Variants in HEATR5B observed in about 807,000 individuals in gnomAD.
HEATR5B encodes HEAT repeat-containing protein 5B.
A neutral mutation model predicts 224.1 loss-of-function variants in HEATR5B; 156 were observed. That is an observed-to-expected ratio of 0.70 (90% confidence interval 0.61 to 0.80). The LOEUF is 0.80. Ranked by LOEUF, HEATR5B falls within the 30% of genes least tolerant of loss-of-function variation. The probability of loss-of-function intolerance (pLI) is 0.00; values close to 1 mark genes in which losing one functional copy is unlikely to be tolerated. For synonymous variants in HEATR5B, 1,027 were observed against 893.0 expected (o/e 1.15, Z -2.68); for missense variants, 2,323 against 2,535.5 (o/e 0.92, Z 1.80).
At chr2:37,028,478 A>G (rs913526656) in intron 23 of HEATR5B, among the ~76,000 whole-genome samples, 1 of 152,156 alleles carries the variant, frequency 6.6e-6, no homozygotes, top group East Asian at 1.9e-4. Flanking sequence ...TTTGAAATAT[A>G]TTTTCCCAAC....
In HEATR5B at chr2:37,054,718, G is replaced by A. The variant is rs956941704; in HGVS notation, c.2400-1111C>T. ...GGCTGGTCTCAAACTCCTGACCTCA[G>A]GTGATCTGCCCACCTTTGCCTCCCG... On this transcript the variant is annotated intron_variant, in intron 16 of 35. Transcript: ENST00000233099. Among the ~76,000 whole-genome samples, 7 of 152,000 alleles carry A rather than the reference G, an allele frequency of 4.6e-5. No homozygotes were observed. In the East Asian group the frequency reaches 1.4e-3, roughly 29 times the overall value.
At chr2:37,066,204 G>C (rs759322740) in intron 8 of HEATR5B, among the ~76,000 whole-genome samples, 1 of 152,180 alleles carries the variant, frequency 6.6e-6, no homozygotes, top group Admixed American at 6.5e-5. Context: ...AGATACTGCA[G>C]AAAGAAGACT....
At chr2:37,014,387 C>T (rs1363250528) in intron 26 of HEATR5B, among the ~76,000 whole-genome samples, 1 of 151,866 alleles carries the variant, frequency 6.6e-6, no homozygotes, top group Non-Finnish European at 1.5e-5. Flanking sequence ...TGGTCTCGAT[C>T]TCCTGACCTC....
At chr2:36,986,321 G>A (rs1352927396) in intron 35 of HEATR5B, among the ~76,000 whole-genome samples, 1 of 152,130 alleles carries the variant, frequency 6.6e-6, no homozygotes, top group East Asian at 1.9e-4. Context: ...CAATTTTGAT[G>A]TTGTTTTCAT....
intron 8 of HEATR5B, among the ~76,000 whole-genome samples, chr2:37,067,103 G>A (rs183420335): frequency 8.5e-5 from 13 of 152,186 alleles, no homozygotes; most frequent in Non-Finnish European, 1.6e-4. Context: ...AGAACTCCTG[G>A]CCTCAAGTGA....
chr2:36,992,321 C>T (rs1239442793), intron 33 of HEATR5B, among the ~76,000 whole-genome samples: 1 of 152,184 alleles, frequency 6.6e-6, no homozygotes, highest in Non-Finnish European at 1.5e-5. Flanking sequence ...CAGCTCACTC[C>T]TGTAATCCCA....
chr2:37,020,620 C>G (rs1219578559), intron 25 of HEATR5B, 35 bp downstream of exon 25: 14 of 1,445,402 alleles, frequency 9.7e-6, no homozygotes, highest in Non-Finnish European at 1.2e-5. Flanking sequence ...TTCAAAAGAT[C>G]AATTTTAAGT....
chr2:37,068,731 G>A lies in HEATR5B; in HGVS notation c.1127C>T (p.Ala376Val). The A allele has an allele frequency of 6.2e-7, 1 of 1,614,108 alleles. No individual in the cohort carries two copies. The highest frequency in any genetic ancestry group is 8.5e-7 in the Non-Finnish European group (1 of 1,179,998). ...GSLLGEKAQI[A>V]AAKEICQAIG... ...AGCTTGGCAGATTTCTTTGGCAGCT[G>A]CAATCTGGGCTTTTTCACCTAGCAA... is the stretch of plus-strand genomic sequence containing the variant. Residue 376 changes from alanine (A) to valine (V), a missense_variant, in exon 8 of 36, where the codon GCA (alanine) becomes GTA (valine). Physicochemically the swap from Ala to Val is moderately conservative, Grantham distance 64. Around this residue, in one of 12 missense-constraint regions of HEATR5B, gnomAD observed 502 missense variants for 517.8 expected, o/e 0.97. Transcript: ENST00000233099.
At chr2:36,999,156 C>T (rs62133078) in intron 33 of HEATR5B, among the ~76,000 whole-genome samples, 81,662 of 151,618 alleles carry the variant, frequency 0.54, 22,207 homozygotes, top group East Asian at 0.67. Flanking sequence ...GAGGCGGAGG[C>T]TGTGGTGAGC....
intron 24 of HEATR5B, among the ~76,000 whole-genome samples, chr2:37,024,593 A>T (rs1026006897): frequency 6.6e-6 from 1 of 152,230 alleles, no homozygotes; most frequent in African/African-American, 2.4e-5. Flanking sequence ...ACAACAAAAA[A>T]TTGAGAAACA....
chr2:37,006,502 G>C (rs28482188), intron 29 of HEATR5B, among the ~76,000 whole-genome samples: 1 of 152,064 alleles, frequency 6.6e-6, no homozygotes, highest in African/African-American at 2.4e-5. Context: ...TTACCCGGGC[G>C]TGGTGGCGCA....
At chr2:37,045,440 G>C (rs1202621779) in intron 18 of HEATR5B, among the ~76,000 whole-genome samples, 1 of 152,136 alleles carries the variant, frequency 6.6e-6, no homozygotes, top group African/African-American at 2.4e-5. Flanking sequence ...GGGTGGGTCA[G>C]GGATGTTGCT....
At chr2:37,063,738 AGAT>A (rs1379044365) in intron 10 of HEATR5B, among the ~76,000 whole-genome samples, 1 of 152,224 alleles carries the variant, frequency 6.6e-6, no homozygotes, top group East Asian at 1.9e-4. Context: ...TAAACACTTA[AGAT>A]TACTGAGAAG....
chr2:37,036,248 G>T (rs1162328759), intron 21 of HEATR5B, among the ~76,000 whole-genome samples: 4 of 152,142 alleles, frequency 2.6e-5, no homozygotes, highest in African/African-American at 4.8e-5. Flanking sequence ...AAAGTCCAAA[G>T]GTTTTATGTA....
At chr2:37,061,671 C>A (rs556118186) in intron 11 of HEATR5B, among the ~76,000 whole-genome samples, 2 of 152,160 alleles carry the variant, frequency 1.3e-5, no homozygotes, top group Non-Finnish European at 2.9e-5. Context: ...ATTTTCATCT[C>A]TTTTAAACAC....
chr2:37,061,607 C>G (rs1671285787), intron 11 of HEATR5B, among the ~76,000 whole-genome samples: 1 of 152,170 alleles, frequency 6.6e-6, no homozygotes, highest in Non-Finnish European at 1.5e-5. Context: ...GACTTTACCA[C>G]TCTTCTAAAA....
chr2:37,022,731 T>G (rs993631276), intron 24 of HEATR5B, among the ~76,000 whole-genome samples: 3 of 152,200 alleles, frequency 2.0e-5, no homozygotes, highest in African/African-American at 7.2e-5. Flanking sequence ...ATGTTTTTCC[T>G]TTTAGCCCTA....
In HEATR5B at chr2:37,068,928, C is replaced by T. The variant is rs147136022; in HGVS notation, c.930G>A (p.Ala310=). The change falls in exon 8 of 36, where the codon GCG becomes GCA. Residue 310 remains alanine (A), a splice_region_variant and synonymous_variant. Coordinates refer to ENST00000233099, the MANE Select transcript of HEATR5B (RefSeq NM_019024.3). ...CCAATGTTGTCACAAAAACAACATACGCCTGTAAAAAGAGGAAGGTACGAC... is the reference window on the plus strand; with the variant it reads ...CCAATGTTGTCACAAAAACAACATATGCCTGTAAAAAGAGGAAGGTACGAC... The part of the protein sequence containing the change: ...NREVRVGVTQ[A]YVVFVTTLGG... 5.4e-4 allele frequency: 865 copies of T among 1,609,926 alleles called. 1 individual carries two copies. Among genetic ancestry groups the T allele is most frequent in the Non-Finnish European group, 6.6e-4 (782 of 1,176,702 alleles).
chr2:37,016,762 G>A (rs970811143), intron 26 of HEATR5B, among the ~76,000 whole-genome samples: 2 of 152,000 alleles, frequency 1.3e-5, no homozygotes, highest in Admixed American at 6.6e-5. Flanking sequence ...TATTGAAAAC[G>A]TTTTAAAAGT....
Sources: allele counts gnomAD v4.1 joint callset (sites outside exome capture counted in the v4.1 genomes callset), GRCh38; gene constraint gnomAD v4.1.1; regional missense constraint gnomAD v4.1.1; transcripts MANE v1.5; gene names NCBI Gene and HGNC (gene_info 2026-07-23, HGNC 2026-07-21).